The following CD34 variants were observed in gnomAD, a reference collection of about 807,000 sequenced individuals.
The protein encoded by CD34 is CD34 molecule.
A neutral mutation model predicts 40.1 loss-of-function variants in CD34; 34 were observed. That is an observed-to-expected ratio of 0.85 (90% CI 0.65 to 1.13). The LOEUF (loss-of-function observed/expected upper bound fraction) is 1.13. CD34 is among the 50% of genes most tolerant of loss of function. The probability of loss-of-function intolerance (pLI) is 0.00; values close to 1 mark genes in which losing one functional copy is unlikely to be tolerated. For missense variants in CD34, 426 were observed against 466.9 expected (o/e 0.91, Z 0.81); for synonymous variants, 209 against 190.0 (o/e 1.10, Z -0.82).
chr1:207,888,252 G>A, intron 7 of CD34: 4 of 877,394 alleles, frequency 4.6e-6, no homozygotes, highest in South Asian at 2.8e-5. Flanking sequence ...CAGAGGCCAA[G>A]ATTCAGACCT....
intron 2 of CD34, among the ~76,000 whole-genome samples, chr1:207,899,581 G>A (rs556147897): frequency 1.1e-4 from 17 of 152,154 alleles, no homozygotes; most frequent in African/African-American, 3.4e-4. Flanking sequence ...TGAGAGAAGG[G>A]GTATGGAGGC....
Position 207,887,570 on chromosome 1 carries a change from A to T in CD34, c.*168T>A. The T allele has an allele frequency of 1.1e-6, 1 of 897,700 alleles. No homozygotes were observed. The highest frequency in any genetic ancestry group is 1.7e-5 in the South Asian group (1 of 57,170). 55.6% of individuals were successfully genotyped at this position (897,700 alleles called of 1,614,324 possible). ...CCGAATGTGTAAAGGACAGGAGTTT[A>T]CCTGCCCCTCCTCAAGGTGTAGGGC... is the stretch of plus-strand genomic sequence containing the variant. On this transcript the variant is annotated 3_prime_UTR_variant, in exon 8 of 8. Coordinates refer to ENST00000310833, the MANE Select transcript of CD34 (RefSeq NM_001025109.2).
At chr1:207,899,471 C>T (rs925145787) in intron 2 of CD34, among the ~76,000 whole-genome samples, 13 of 152,086 alleles carry the variant, frequency 8.5e-5, no homozygotes, top group African/African-American at 3.1e-4. Context: ...AGCCAAAGAC[C>T]CCCAGTTTGG....
chr1:207,910,607 T>G (rs1662487982), intron 1 of CD34, among the ~76,000 whole-genome samples: 1 of 152,158 alleles, frequency 6.6e-6, no homozygotes, highest in Non-Finnish European at 1.5e-5. Flanking sequence ...CTATACTTTC[T>G]GAATCAACCA....
chr1:207,898,936 G>C lies in CD34; in HGVS notation c.516+37C>G, dbSNP rs199980221. ...CAGCTTGCCTGCATACATATGAAGT[G>C]AGGGGCAATCTGCCATTTTTGGCCC... On this transcript the variant is annotated intron_variant, in intron 3 of 7. Transcript: ENST00000310833. 1,175 of 1,609,762 alleles carry C rather than the reference G, an allele frequency of 7.3e-4. 1 individual carries two copies. The highest frequency in any genetic ancestry group is 9.4e-4 in the Non-Finnish European group (1,102 of 1,176,420).
intron 1 of CD34, among the ~76,000 whole-genome samples, chr1:207,907,734 G>A (rs185282968): frequency 1.3e-5 from 2 of 152,202 alleles, no homozygotes; most frequent in East Asian, 3.9e-4. Flanking sequence ...TTTCTCCTTA[G>A]CACAACGTCC....
chr1:207,902,359 T>A (rs951183252), intron 1 of CD34, among the ~76,000 whole-genome samples: 3 of 152,096 alleles, frequency 2.0e-5, no homozygotes, highest in Non-Finnish European at 4.4e-5. Flanking sequence ...ATTCCCCACA[T>A]CTCTGTAGAG....
At chr1:207,897,426 G>A (rs1163680500) in intron 4 of CD34, 67 bp downstream of exon 4, 2 of 1,162,296 alleles carry the variant, frequency 1.7e-6, no homozygotes, top group East Asian at 5.1e-5. Context: ...AGGTTTAAGG[G>A]TGTTCAGAAG....
chr1:207,909,210 G>T (rs1662449453), intron 1 of CD34, among the ~76,000 whole-genome samples: 1 of 152,126 alleles, frequency 6.6e-6, no homozygotes, highest in African/African-American at 2.4e-5. Context: ...TTTTGCCAAG[G>T]TTGTGTTGCT....
chr1:207,892,344 G>A (rs892330061), intron 4 of CD34, among the ~76,000 whole-genome samples: 1 of 152,170 alleles, frequency 6.6e-6, no homozygotes, highest in Non-Finnish European at 1.5e-5. Context: ...TTGGGAGGCC[G>A]AGATGGACAA....
Position 207,895,867 on chromosome 1 carries a change from G to C in CD34, c.597+1626C>G, listed in dbSNP as rs796703361. Reference sequence around the variant, plus strand: ...AACTTGACAATTTTTTTTCTAATGAGTTGAGTTGAAAATCAGCATCAGAAA... The same window carrying C: ...AACTTGACAATTTTTTTTCTAATGACTTGAGTTGAAAATCAGCATCAGAAA... On this transcript the variant is annotated intron_variant, in intron 4 of 7. Coordinates refer to ENST00000310833, the MANE Select transcript of CD34 (RefSeq NM_001025109.2). Among the ~76,000 whole-genome samples the C allele has an allele frequency of 3.3e-5, 5 of 152,292 alleles. No individual in the cohort carries two copies. In the South Asian group the frequency reaches 1.0e-3, roughly 32 times the overall value.
chr1:207,900,675 A>T (rs1033980342), intron 1 of CD34, among the ~76,000 whole-genome samples: 1 of 152,134 alleles, frequency 6.6e-6, no homozygotes, highest in African/African-American at 2.4e-5. Context: ...TTCTTTTAGC[A>T]TGCTCTGACC....
At chr1:207,904,903 T>C (rs1662346021) in intron 1 of CD34, among the ~76,000 whole-genome samples, 1 of 152,226 alleles carries the variant, frequency 6.6e-6, no homozygotes, top group East Asian at 1.9e-4. Context: ...GCCAGCTACC[T>C]CTAGTCATGG....
intron 1 of CD34, among the ~76,000 whole-genome samples, chr1:207,900,561 C>T (rs1276548580): frequency 6.6e-6 from 1 of 152,202 alleles, no homozygotes; most frequent in Non-Finnish European, 1.5e-5. Flanking sequence ...GACTCACTGT[C>T]TCTATGCGAT....
At chr1:207,889,407 G>C in intron 5 of CD34, 58 bp downstream of exon 5, 1 of 1,559,728 alleles carries the variant, frequency 6.4e-7, no homozygotes, top group Non-Finnish European at 8.7e-7. Context: ...CTCCACCCAG[G>C]ATTCTCTAAC....
chr1:207,910,943 A>C, intron 1 of CD34, 59 bp downstream of exon 1: 1 of 1,494,482 alleles, frequency 6.7e-7, no homozygotes, highest in Non-Finnish European at 9.1e-7. Flanking sequence ...AGCCTCCCAG[A>C]AAGCCTCCAC....
intron 4 of CD34, among the ~76,000 whole-genome samples, chr1:207,890,794 C>T (rs988245504): frequency 6.6e-6 from 1 of 152,192 alleles, no homozygotes; most frequent in Non-Finnish European, 1.5e-5. Context: ...GGAAACAAGG[C>T]TACAGAGAAA....
chr1:207,899,179 C>T lies in CD34; in HGVS notation c.310G>A (p.Gly104Arg). 6.2e-7 allele frequency: 1 copy of T among 1,614,148 alleles called. No individual in the cohort carries two copies. The highest frequency in any genetic ancestry group is 1.7e-5 in the Admixed American group (1 of 60,020). Residue 104 changes from glycine (G) to arginine (R), a missense_variant, in exon 3 of 8, where the codon GGA (glycine) becomes AGA (arginine). Coordinates refer to ENST00000310833, the MANE Select transcript of CD34 (RefSeq NM_001025109.2). ...GACTGGACAGAAGAGTTTGTGTTTC[C>T]ATAAACTGAGGTTATCACAGAGGTA... ...TSTSVITSVY[G>R]NTNSSVQSQT...
rs541722812 is a variant in CD34 at position 207,882,806 on chromosome 1, G to A, written c.*4932C>T. On this transcript the variant is annotated 3_prime_UTR_variant, in exon 8 of 8. Coordinates refer to ENST00000310833, the MANE Select transcript of CD34 (RefSeq NM_001025109.2). The stretch of plus-strand genomic sequence containing the variant: ...CTCTTTAACTCCTGCTTGACCAAAG[G>A]ATCAGTCCAGACGTCACTTCTCCTG... 6.6e-6 allele frequency: 1 copy of A among 152,048 alleles called. No individual in the cohort carries two copies. The highest frequency in any genetic ancestry group is 1.5e-5 in the Non-Finnish European group (1 of 68,048). 9.4% of individuals were successfully genotyped at this position (152,048 alleles called of 1,614,324 possible).
Sources: allele counts gnomAD v4.1 joint callset (sites outside exome capture counted in the v4.1 genomes callset), GRCh38; gene constraint gnomAD v4.1.1; transcripts MANE v1.5; gene names NCBI Gene and HGNC (gene_info 2026-07-23, HGNC 2026-07-21).